The following TMED8 variants were observed in gnomAD, a reference collection of about 807,000 sequenced individuals.
TMED8 encodes protein TMED8.
TMED8 carries 15 observed loss-of-function variants against 32.7 expected under a neutral mutation model. That is an observed-to-expected ratio of 0.46 (90% CI 0.31 to 0.71). The LOEUF (loss-of-function observed/expected upper bound fraction) is 0.71. Ranked by LOEUF, TMED8 falls within the 30% of genes least tolerant of loss-of-function variation. The pLI is 0.06. For synonymous variants in TMED8, 147 were observed against 161.4 expected, an observed-to-expected ratio of 0.91 and a Z score of 0.68; for missense variants, 390 against 423.9, an observed-to-expected ratio of 0.92 and a Z score of 0.70.
rs141559530 is a variant in TMED8, at chr14:77,368,900, C to G, written c.118+8036G>C. 7.8e-3 allele frequency among the ~76,000 whole-genome samples: 1,193 copies of G among 152,272 alleles called. 14 individuals carry two copies. Among genetic ancestry groups the G allele is most frequent in the African/African-American group, 0.027 (1,120 of 41,568 alleles). On this transcript the variant is annotated intron_variant, in intron 1 of 5. Coordinates refer to ENST00000216468, the MANE Select transcript of TMED8 (RefSeq NM_213601.3). ...TGGTGGCCTTTGATGAACCAAAGTA[C>G]TTTTGTGTACTCAAAATTTATCAAA...
chr14:77,372,950 ATATT>A (rs1893727278), intron 1 of TMED8, among the ~76,000 whole-genome samples: 2 of 15,116 alleles, frequency 1.3e-4, no homozygotes, highest in Non-Finnish European at 1.0e-4. Flanking sequence ...ATATATATAT[ATATT>A]TTTTTTTTTT....
In TMED8 at chr14:77,337,580, G is replaced by C. The variant is rs192646235; in HGVS notation, c.*4191C>G. On this transcript the variant is annotated 3_prime_UTR_variant, in exon 6 of 6. Coordinates refer to ENST00000216468, the MANE Select transcript of TMED8 (RefSeq NM_213601.3). ...AATTTTTTGTATTTTTAGTAGCGAC[G>C]GAGTTTCACTATGTTGGCCAGGCTG... 1 of 152,098 alleles carries C rather than the reference G, an allele frequency of 6.6e-6. No homozygotes were observed. Among genetic ancestry groups the C allele is most frequent in the Non-Finnish European group, 1.5e-5 (1 of 68,044 alleles). 9.4% of individuals were successfully genotyped at this position (152,098 alleles called of 1,614,324 possible).
chr14:77,372,906 TTATATA>T (rs1167584417), intron 1 of TMED8, among the ~76,000 whole-genome samples: 505 of 35,236 alleles, frequency 0.014, 4 homozygotes, highest in Middle Eastern at 0.019. Flanking sequence ...GCCACAGATA[TTATATA>T]TATATATATA....
At chr14:77,364,434 G>A (rs1893504894) in intron 1 of TMED8, among the ~76,000 whole-genome samples, 1 of 152,104 alleles carries the variant, frequency 6.6e-6, no homozygotes, top group Non-Finnish European at 1.5e-5. Context: ...CTGTAGAGAT[G>A]GGGTTTCCCT....
At position 77,376,410 on chromosome 14, in the gene TMED8, G is replaced by C. The variant is rs1259463506; in HGVS notation, c.118+526C>G. 6.6e-6 allele frequency among the ~76,000 whole-genome samples: 1 copy of C among 152,226 alleles called. No individual in the cohort carries two copies. The highest frequency in any genetic ancestry group is 1.5e-5 in the Non-Finnish European group (1 of 68,044). The stretch of plus-strand genomic sequence containing the variant: ...GGAGAGGATGGCAGCAAGGCCAGGG[G>C]GCCTATGTGCAGGAAGGCTAGGGCG... On this transcript the variant is annotated intron_variant, in intron 1 of 5. Coordinates refer to ENST00000216468, the MANE Select transcript of TMED8 (RefSeq NM_213601.3). The surrounding 1 kb of genome is among the most constrained non-coding windows in gnomAD (Gnocchi z 4.0).
rs774737161 is a variant in TMED8 at position 77,343,724 on chromosome 14, C to A, written c.427G>T (p.Ala143Ser). The change falls in exon 4 of 6, where the codon GCA becomes TCA. Residue 143 changes from alanine (A) to serine (S), a missense_variant. Physicochemically the swap from Ala to Ser is moderately conservative, Grantham distance 99. Transcript: ENST00000216468. ...TTCCTGTGGTCCCCCAGAAGATCTG[C>A]AGATTCCAAATCAGCTGAAAGAACA... ...IDVLSADLES[A>S]DLLGDHRKVS... The A allele has an allele frequency of 8.7e-6, 14 of 1,614,196 alleles. No individual in the cohort carries two copies. In the Admixed American group the frequency reaches 2.3e-4, roughly 27 times the overall value.
chr14:77,360,733 A>G (rs889108708), intron 1 of TMED8, among the ~76,000 whole-genome samples: 8 of 152,120 alleles, frequency 5.3e-5, no homozygotes, highest in African/African-American at 1.9e-4. Context: ...GTCATGTGGT[A>G]GTTCTACTTT....
chr14:77,341,285 G>T lies in TMED8; in HGVS notation c.*486C>A, dbSNP rs575582279. 3.8e-4 allele frequency: 65 copies of T among 170,826 alleles called. No individual in the cohort carries two copies. Among genetic ancestry groups the T allele is most frequent in the African/African-American group, 1.5e-3 (61 of 41,784 alleles). The allele number at this position is 170,826 out of a possible 1,614,324, so 10.6% of individuals were successfully genotyped here. A position where few individuals can be genotyped will look rare whatever the true frequency, so the allele number is the denominator to read the frequency against. On this transcript the variant is annotated 3_prime_UTR_variant, in exon 6 of 6. Transcript: ENST00000216468. The stretch of plus-strand genomic sequence containing the variant: ...GGCAGGAATATGGCAGTGGTGACAG[G>T]CTGGATAGAGCTTTCTCCAACCAAA...
chr14:77,349,445 C>T (rs201525595), intron 2 of TMED8, among the ~76,000 whole-genome samples: 1 of 152,234 alleles, frequency 6.6e-6, no homozygotes, highest in East Asian at 1.9e-4. Flanking sequence ...CTGACCTCAC[C>T]TCTCAGAATC....
At chr14:77,372,947 TATATA>T (rs1431882440) in intron 1 of TMED8, among the ~76,000 whole-genome samples, 31 of 25,460 alleles carry the variant, frequency 1.2e-3, no homozygotes, top group African/African-American at 2.5e-3. Flanking sequence ...TATATATATA[TATATA>T]TTTTTTTTTT....
intron 1 of TMED8, among the ~76,000 whole-genome samples, chr14:77,363,864 C>G (rs1330463411): frequency 6.6e-6 from 1 of 152,092 alleles, no homozygotes; most frequent in Admixed American, 6.6e-5. Context: ...GGATGTACAC[C>G]ATACTCATGT....
rs566409167 is a variant in TMED8 at position 77,355,442 on chromosome 14, C to T, written c.119-3691G>A. On this transcript the variant is annotated intron_variant, in intron 1 of 5. Coordinates refer to ENST00000216468, the MANE Select transcript of TMED8 (RefSeq NM_213601.3). ...AACTCCTGACCTCAGGTGATCCACC[C>T]GCCTCGGCCTCCCAAAGTGCTGGGA... is the stretch of plus-strand genomic sequence containing the variant. Among the ~76,000 whole-genome samples the T allele has an allele frequency of 3.3e-4, 50 of 152,234 alleles. No homozygotes were observed. In the East Asian group the frequency reaches 5.6e-3, roughly 17 times the overall value.
At chr14:77,360,838 C>A (rs1190457724) in intron 1 of TMED8, among the ~76,000 whole-genome samples, 1 of 152,190 alleles carries the variant, frequency 6.6e-6, no homozygotes, top group Non-Finnish European at 1.5e-5. Flanking sequence ...GTCATCCTAA[C>A]AGGCATGAGG....
At chr14:77,342,042 G>T in intron 5 of TMED8, 54 bp from the exon 6 acceptor site, 1 of 1,528,698 alleles carries the variant, frequency 6.5e-7, no homozygotes, top group Non-Finnish European at 9.0e-7. Flanking sequence ...CTGCCTGAAG[G>T]TGAGCGGAAG....
At chr14:77,370,171 CAAAAAAAAA>C (rs5809828) in intron 1 of TMED8, among the ~76,000 whole-genome samples, 12 of 137,988 alleles carry the variant, frequency 8.7e-5, no homozygotes, top group East Asian at 4.4e-4. Flanking sequence ...GACTCCGTTT[CAAAAAAAAA>C]AAAAAAAAAA....
chr14:77,364,279 C>A (rs1347387095), intron 1 of TMED8, among the ~76,000 whole-genome samples: 2 of 152,160 alleles, frequency 1.3e-5, no homozygotes, highest in African/African-American at 4.8e-5. Context: ...CAGCTCACTG[C>A]AGCCTTGACC....
chr14:77,365,853 T>C (rs1203101250), intron 1 of TMED8, among the ~76,000 whole-genome samples: 1 of 152,090 alleles, frequency 6.6e-6, no homozygotes. Flanking sequence ...TTTGGTACAA[T>C]TCTATGGCAG....
Position 77,339,926 on chromosome 14 carries a change from A to T in TMED8, c.*1845T>A, listed in dbSNP as rs1892854085. 6.6e-6 allele frequency: 1 copy of T among 152,202 alleles called. No individual in the cohort carries two copies. Among genetic ancestry groups the T allele is most frequent in the South Asian group, 2.1e-4 (1 of 4,830 alleles). The allele number at this position is 152,202 out of a possible 1,614,324, so 9.4% of individuals were successfully genotyped here. A position where few individuals can be genotyped will look rare whatever the true frequency, so the allele number is the denominator to read the frequency against. On this transcript the variant is annotated 3_prime_UTR_variant, in exon 6 of 6. Transcript: ENST00000216468. ...ATGCTACTAGGGACCCACTGGGAAG[A>T]GTCCCGTTCCTTGAGTTATGCTACT...
At chr14:77,350,979 T>C (rs1893161604) in intron 2 of TMED8, among the ~76,000 whole-genome samples, 1 of 152,166 alleles carries the variant, frequency 6.6e-6, no homozygotes, top group Admixed American at 6.5e-5. Flanking sequence ...AGGAAAAGCC[T>C]CCGCTTTAAG....
Sources: gnomAD v4.1 joint callset for allele counts (sites outside exome capture counted in the v4.1 genomes callset) on GRCh38, gnomAD v4.1.1 for gene constraint, Gnocchi (gnomAD v3.1) non-coding constraint, MANE v1.5 for transcripts, NCBI Gene and HGNC (gene_info 2026-07-23, HGNC 2026-07-21) for gene names.